Variants in NSUN4 observed in about 807,000 individuals in gnomAD.
NSUN4 encodes the protein NOP2/Sun RNA methyltransferase 4.
In NSUN4, 31 loss-of-function variants were observed where a neutral mutation model predicts 43.8. The ratio of observed to expected loss-of-function variants is 0.71; its 90% CI spans 0.53 to 0.96. The LOEUF is 0.96. Ranked by LOEUF, NSUN4 falls within the 40% of genes least tolerant of loss-of-function variation. The pLI, the probability that NSUN4 is intolerant of heterozygous loss-of-function variation, is 0.00. For missense variants in NSUN4, 439 were observed against 475.6 expected, an observed-to-expected ratio of 0.92 and a Z score of 0.72; for synonymous variants, 167 against 184.1, an observed-to-expected ratio of 0.91 and a Z score of 0.75.
At chr1:46,375,471 C>T in the NSUN4 span, among the ~76,000 whole-genome samples, 194 of 150,252 alleles carry the variant, frequency 1.3e-3, 2 homozygotes, top group African/African-American at 4.1e-3. Flanking sequence ...CAATGGCTCA[C>T]GTCTGTAATC....
intron 4 of NSUN4, among the ~76,000 whole-genome samples, chr1:46,358,157 G>C (rs891748090): frequency 6.6e-6 from 1 of 151,488 alleles, no homozygotes; most frequent in Non-Finnish European, 1.5e-5. Flanking sequence ...GTGCAGTGGC[G>C]CAATCTTGGT....
At chr1:46,360,438 T>C (rs1451390552) in intron 4 of NSUN4, among the ~76,000 whole-genome samples, 2 of 134,010 alleles carry the variant, frequency 1.5e-5, no homozygotes, top group Admixed American at 1.5e-4. Flanking sequence ...TCTCTAAAAA[T>C]TAAAAAAAAA....
At chr1:46,341,624 C>G (rs959414864) in intron 1 of NSUN4, 4 of 1,220,780 alleles carry the variant, frequency 3.3e-6, no homozygotes, top group Non-Finnish European at 4.1e-6. Context: ...AGCCGATTCC[C>G]TCGCCACCTC....
chr1:46,378,801 G>A, the NSUN4 span, among the ~76,000 whole-genome samples: 4 of 152,164 alleles, frequency 2.6e-5, 1 homozygote, highest in South Asian at 4.1e-4. Flanking sequence ...TGGCTGTCTC[G>A]CCTGTGTAAG....
intron 4 of NSUN4, among the ~76,000 whole-genome samples, chr1:46,355,724 A>C (rs79927147): frequency 0.026 from 3,885 of 152,222 alleles, 73 homozygotes; most frequent in Middle Eastern, 0.044. Flanking sequence ...TTGTTGAAAA[A>C]CTAGTTGTGG....
chr1:46,347,278 A>G (rs1281291174), intron 3 of NSUN4, among the ~76,000 whole-genome samples: 1 of 152,190 alleles, frequency 6.6e-6, no homozygotes, highest in Non-Finnish European at 1.5e-5. Context: ...TCTCTACTAA[A>G]AATACATAAA....
At chr1:46,371,446 C>T in the NSUN4 span, among the ~76,000 whole-genome samples, 1 of 152,108 alleles carries the variant, frequency 6.6e-6, no homozygotes, top group Non-Finnish European at 1.5e-5. Flanking sequence ...GCTGGGACTA[C>T]AGGTGCCTGC....
At chr1:46,340,959 T>A in intron 1 of NSUN4, 40 bp downstream of exon 1, 3 of 1,510,240 alleles carry the variant, frequency 2.0e-6, no homozygotes, top group Non-Finnish European at 2.7e-6. Flanking sequence ...AAAGTGAGGG[T>A]GGAAACTTCT....
chr1:46,367,881 C>A (rs900687066), downstream of NSUN4, among the ~76,000 whole-genome samples: 4 of 151,356 alleles, frequency 2.6e-5, no homozygotes, highest in African/African-American at 9.7e-5. Context: ...CCTCCTGCCT[C>A]AGCCTACTGA....
chr1:46,351,222 G>C (rs375143863), intron 3 of NSUN4, among the ~76,000 whole-genome samples: 1 of 152,100 alleles, frequency 6.6e-6, no homozygotes, highest in Admixed American at 6.5e-5. Flanking sequence ...AAAATTTGCC[G>C]GCGTGGTGGC....
chr1:46,345,193 T>C, intron 2 of NSUN4, 49 bp downstream of exon 2: 5 of 1,386,782 alleles, frequency 3.6e-6, no homozygotes, highest in Non-Finnish European at 5.0e-6. Context: ...CTGCTGGAAG[T>C]AGACATGTTG....
rs951756855 is a variant in NSUN4, at chr1:46,361,944, C to T, written c.*98C>T. On this transcript the variant is annotated 3_prime_UTR_variant, in exon 6 of 6. Coordinates refer to ENST00000474844, the MANE Select transcript of NSUN4 (RefSeq NM_199044.4). ...CCAGTGGCAGAGATGCACTCTCGGTCCTGTCTCCATCCTGTTCGTGTCTTT... is the reference window on the plus strand; with the variant it reads ...CCAGTGGCAGAGATGCACTCTCGGTTCTGTCTCCATCCTGTTCGTGTCTTT... The T allele has an allele frequency of 1.0e-5, 11 of 1,103,508 alleles. No homozygotes were observed. Among genetic ancestry groups the T allele is most frequent in the Middle Eastern group, 2.4e-4 (1 of 4,190 alleles). 68.4% of individuals were successfully genotyped at this position (1,103,508 alleles called of 1,614,324 possible). A position where few individuals can be genotyped will look rare whatever the true frequency, so the allele number is the denominator to read the frequency against.
downstream of NSUN4, among the ~76,000 whole-genome samples, chr1:46,368,480 C>A (rs1664186127): frequency 6.6e-6 from 1 of 152,292 alleles, no homozygotes; most frequent in Non-Finnish European, 1.5e-5. Context: ...TTCTGCGGCT[C>A]TGTGAAGAAG....
the NSUN4 span, among the ~76,000 whole-genome samples, chr1:46,379,267 C>T: frequency 6.6e-6 from 1 of 152,086 alleles, no homozygotes; most frequent in African/African-American, 2.4e-5. Flanking sequence ...TGGAATCCTC[C>T]CTCCTATGTG....
Position 46,362,823 on chromosome 1 carries a change from A to G in NSUN4, c.*977A>G, listed in dbSNP as rs1409944897. On this transcript the variant is annotated 3_prime_UTR_variant, in exon 6 of 6. Transcript: ENST00000474844. ...AATCCCTAACTCTTCCCTCAGCATC[A>G]CAGGGCTTCACTGCACACACTGTGT... 1.3e-5 allele frequency: 2 copies of G among 152,032 alleles called. No homozygotes were observed. The highest frequency in any genetic ancestry group is 2.9e-5 in the Non-Finnish European group (2 of 68,036). The allele number at this position is 152,032 out of a possible 1,614,324, so 9.4% of individuals were successfully genotyped here.
chr1:46,349,587 C>G (rs1160306307), intron 3 of NSUN4, among the ~76,000 whole-genome samples: 3 of 152,190 alleles, frequency 2.0e-5, no homozygotes, highest in Non-Finnish European at 2.9e-5. Flanking sequence ...TGCCGTGTGC[C>G]CAAGCCCTTC....
Position 46,347,084 on chromosome 1 carries a change from G to C in NSUN4, c.592+9G>C. The stretch of plus-strand genomic sequence containing the variant: ...TCAGACTGGCTGTTGCCGTAAGTCA[G>C]GGTGCTGGTGTGTTGGGCAGAGAGA... On this transcript the variant is annotated intron_variant, in intron 3 of 5. Coordinates refer to ENST00000474844, the MANE Select transcript of NSUN4 (RefSeq NM_199044.4). 1 of 1,612,748 alleles carries C rather than the reference G, an allele frequency of 6.2e-7. No homozygotes were observed.
At chr1:46,361,492 A>G (rs1663866440) in intron 5 of NSUN4, 78 bp from the exon 6 acceptor site, 1 of 1,355,478 alleles carries the variant, frequency 7.4e-7, no homozygotes. Flanking sequence ...TCCCTTATCC[A>G]TGTTTCCAGC....
the NSUN4 span, among the ~76,000 whole-genome samples, chr1:46,376,828 G>A: frequency 6.6e-6 from 1 of 151,788 alleles, no homozygotes; most frequent in East Asian, 1.9e-4. Context: ...CACGATCTTG[G>A]CTTGCTGCAA....
Sources: gnomAD v4.1 joint callset for allele counts (sites outside exome capture counted in the v4.1 genomes callset) on GRCh38, gnomAD v4.1.1 for gene constraint, MANE v1.5 for transcripts, NCBI Gene and HGNC (gene_info 2026-07-23, HGNC 2026-07-21) for gene names.